HEATR4: variants seen among roughly 807,000 people sequenced by gnomAD.
The protein encoded by HEATR4 is HEAT repeat-containing protein 4.
HEATR4 carries 95 observed loss-of-function variants against 108.8 expected under a neutral mutation model. The observed-to-expected ratio is 0.87, with a 90% CI of 0.74 to 1.04. HEATR4 has a LOEUF of 1.04. HEATR4 is among the 50% of genes least tolerant of loss of function. HEATR4 has a pLI of 0.00. For missense variants in HEATR4, 1,152 were observed against 1,253.8 expected, an observed-to-expected ratio of 0.92 and a Z score of 1.23; for synonymous variants, 443 against 459.4, an observed-to-expected ratio of 0.96 and a Z score of 0.46.
the HEATR4 span, chr14:73,613,054 C>T: frequency 4.5e-6 from 3 of 660,822 alleles, no homozygotes; most frequent in Non-Finnish European, 7.0e-6. Context: ...AGAATTTGGT[C>T]GAGCTCTGCG....
chr14:73,552,060 G>A (rs1214186030), intron 1 of HEATR4, among the ~76,000 whole-genome samples: 1 of 114,432 alleles, frequency 8.7e-6, no homozygotes, highest in African/African-American at 2.8e-5. Context: ...CAGGTGCCCG[G>A]TCAGGTCTCT....
At chr14:73,630,093 G>A in the HEATR4 span, among the ~76,000 whole-genome samples, 1 of 151,792 alleles carries the variant, frequency 6.6e-6, no homozygotes, top group Non-Finnish European at 1.5e-5. Flanking sequence ...AAAAGGGTAC[G>A]TGGTGTCCTA....
chr14:73,496,600 C>G lies in HEATR4; in HGVS notation c.2625+1G>C, dbSNP rs1357793789. 1.9e-6 allele frequency: 3 copies of G among 1,587,542 alleles called. No individual in the cohort carries two copies. The South Asian group carries it at 3.3e-5, about 18-fold the overall frequency. On this transcript the variant is annotated splice_donor_variant, in intron 15 of 17. Transcript: ENST00000553558. LOFTEE classifies it high-confidence loss of function. ...TGAGAACAGAGCTTGCACTTATTTA[C>G]CCTGTTCTTGATCTCCTGAAGCATT...
chr14:73,565,773 T>C, the HEATR4 span, among the ~76,000 whole-genome samples: 296 of 152,114 alleles, frequency 1.9e-3, 1 homozygote, highest in African/African-American at 7.1e-3. Flanking sequence ...TGGTGAGTGT[T>C]AGAGCTCATA....
At chr14:73,483,665 T>C (rs1469657459) in intron 17 of HEATR4, among the ~76,000 whole-genome samples, 1 of 152,196 alleles carries the variant, frequency 6.6e-6, no homozygotes, top group Non-Finnish European at 1.5e-5. Flanking sequence ...GTAATTTTAA[T>C]TTTAAAGAAG....
At chr14:73,592,658 G>T in the HEATR4 span, among the ~76,000 whole-genome samples, 1 of 152,158 alleles carries the variant, frequency 6.6e-6, no homozygotes, top group Non-Finnish European at 1.5e-5. Context: ...TTTGAGACCA[G>T]ACTGGCCAGC....
chr14:73,587,873 T>C, the HEATR4 span, among the ~76,000 whole-genome samples: 1 of 152,238 alleles, frequency 6.6e-6, no homozygotes, highest in Non-Finnish European at 1.5e-5. Flanking sequence ...TTCCAACACA[T>C]ATTTTATGTC....
At chr14:73,626,623 T>C in the HEATR4 span, among the ~76,000 whole-genome samples, 1 of 151,352 alleles carries the variant, frequency 6.6e-6, no homozygotes, top group Non-Finnish European at 1.5e-5. Context: ...AGCCCAGAGG[T>C]TCAAAACCAG....
the HEATR4 span, chr14:73,612,462 G>A: frequency 3.6e-5 from 26 of 714,894 alleles, no homozygotes; most frequent in African/African-American, 5.6e-5. Flanking sequence ...CAACCAATGG[G>A]AGTAGTGTTA....
At chr14:73,505,890 C>CT (rs139879719) in intron 10 of HEATR4, among the ~76,000 whole-genome samples, 29,137 of 113,302 alleles carry the variant, frequency 0.26, 4,797 homozygotes, top group East Asian at 0.56. Flanking sequence ...ATAAACGTTT[C>CT]TTTTTTTTTT....
the HEATR4 span, among the ~76,000 whole-genome samples, chr14:73,564,561 A>G: frequency 3.9e-5 from 6 of 151,920 alleles, no homozygotes; most frequent in South Asian, 4.2e-4. Context: ...AGCTATGATC[A>G]CACCACTGCA....
chr14:73,516,386 C>T (rs1214128073), intron 5 of HEATR4, among the ~76,000 whole-genome samples: 1 of 104,498 alleles, frequency 9.6e-6, no homozygotes, highest in Non-Finnish European at 1.8e-5. Context: ...CGACTTCTCT[C>T]AGGCGATTTG....
At chr14:73,580,293 T>C in the HEATR4 span, among the ~76,000 whole-genome samples, 1 of 152,034 alleles carries the variant, frequency 6.6e-6, no homozygotes, top group Non-Finnish European at 1.5e-5. Context: ...CATGCCCAGC[T>C]AATTTTTAAT....
chr14:73,592,531 G>A, the HEATR4 span: 8 of 1,259,344 alleles, frequency 6.4e-6, no homozygotes, highest in African/African-American at 1.1e-4. Flanking sequence ...AGCTAACATT[G>A]ACTATGTCAG....
chr14:73,585,135 C>T, the HEATR4 span, among the ~76,000 whole-genome samples: 4 of 152,192 alleles, frequency 2.6e-5, no homozygotes, highest in East Asian at 7.7e-4. Flanking sequence ...TCCCGGGTTT[C>T]TTACACCCAT....
At chr14:73,587,145 A>C in the HEATR4 span, among the ~76,000 whole-genome samples, 7 of 151,692 alleles carry the variant, frequency 4.6e-5, no homozygotes, top group South Asian at 2.1e-4. Flanking sequence ...AAAAAAACAA[A>C]AACAAAAAAA....
intron 7 of HEATR4, among the ~76,000 whole-genome samples, chr14:73,511,743 C>T (rs1455839126): frequency 6.6e-6 from 1 of 151,874 alleles, no homozygotes; most frequent in Non-Finnish European, 1.5e-5. Flanking sequence ...ATGGGATCTT[C>T]AAGGTGGGAA....
At chr14:73,524,310 A>AATATATATATATATATAT (rs58047390) in intron 2 of HEATR4, among the ~76,000 whole-genome samples, 9 of 54,770 alleles carry the variant, frequency 1.6e-4, no homozygotes, top group South Asian at 1.6e-3. Context: ...AAAAAAAAAA[A>AATATATATATATATATAT]ATATATATAT....
chr14:73,570,033 A>G, the HEATR4 span: 19 of 1,299,356 alleles, frequency 1.5e-5, no homozygotes, highest in African/African-American at 2.3e-4. Context: ...GTCTCCAGCT[A>G]TCTTCCCGCC....
Sources: allele counts gnomAD v4.1 joint callset (sites outside exome capture counted in the v4.1 genomes callset), GRCh38; gene constraint gnomAD v4.1.1; transcripts MANE v1.5; gene names NCBI Gene and HGNC (gene_info 2026-07-23, HGNC 2026-07-21).